The following JPH2 variants were observed in gnomAD, a reference collection of about 807,000 sequenced individuals.
JPH2 encodes junctophilin-2.
A neutral mutation model predicts 55.9 loss-of-function variants in JPH2; 38 were observed. That is an observed-to-expected ratio of 0.68 (90% confidence interval 0.52 to 0.89). The LOEUF (loss-of-function observed/expected upper bound fraction) is 0.89, where lower values mean the gene tolerates loss of function less well. JPH2 is among the 40% of genes least tolerant of loss of function. The pLI, the probability that JPH2 is intolerant of heterozygous loss-of-function variation, is 0.00. For missense variants in JPH2, 964 were observed against 1,037.6 expected (o/e 0.93, Z 0.97); for synonymous variants, 480 against 472.4 (o/e 1.02, Z -0.21).
intron 1 of JPH2, among the ~76,000 whole-genome samples, chr20:44,162,781 T>TACAC (rs1192452736): frequency 2.3e-4 from 16 of 70,014 alleles, no homozygotes; most frequent in African/African-American, 9.0e-4. Flanking sequence ...TATATATATA[T>TACAC]ATATATACAC....
rs1262132091 is a variant in JPH2, at chr20:44,186,797, G to A, written c.-92C>T. On this transcript the variant is annotated 5_prime_UTR_variant, in exon 1 of 6. Transcript: ENST00000372980. ...CAACACTCCTCCAGTGCCCTCGGGG[G>A]CAGGCCCCCAGACTCACCACTGCAC... 2.2e-6 allele frequency: 3 copies of A among 1,342,394 alleles called. No individual in the cohort carries two copies. Among genetic ancestry groups the A allele is most frequent in the Non-Finnish European group, 3.2e-6 (3 of 950,580 alleles). The allele number at this position is 1,342,394 out of a possible 1,614,324, so 83.2% of individuals were successfully genotyped here. A position where few individuals can be genotyped will look rare whatever the true frequency, so the allele number is the denominator to read the frequency against.
At chr20:44,114,382 T>C (rs961064895) in intron 5 of JPH2, among the ~76,000 whole-genome samples, 4 of 152,166 alleles carry the variant, frequency 2.6e-5, no homozygotes, top group Non-Finnish European at 5.9e-5. Flanking sequence ...TTTTCTGTAA[T>C]GAGCTCTAAG....
chr20:44,178,806 C>A (rs1439726437), intron 1 of JPH2, among the ~76,000 whole-genome samples: 3 of 152,052 alleles, frequency 2.0e-5, no homozygotes, highest in African/African-American at 7.2e-5. Flanking sequence ...ACAAACTGAT[C>A]AACAGAAAAG....
At chr20:44,134,981 G>A (rs1360761524) in intron 2 of JPH2, among the ~76,000 whole-genome samples, 1 of 141,532 alleles carries the variant, frequency 7.1e-6, no homozygotes, top group Non-Finnish European at 1.5e-5. Context: ...GCTGCTGGGT[G>A]CTGGGAATGA....
At chr20:44,136,461 A>C (rs1230179851) in intron 2 of JPH2, among the ~76,000 whole-genome samples, 1 of 151,800 alleles carries the variant, frequency 6.6e-6, no homozygotes, top group Non-Finnish European at 1.5e-5. Flanking sequence ...ATCAACATCA[A>C]CATCACCATT....
chr20:44,114,847 C>T lies in JPH2; in HGVS notation c.2040G>A (p.Val680=), dbSNP rs529687838. 3.1e-6 allele frequency: 5 copies of T among 1,607,322 alleles called. No individual in the cohort carries two copies. In the Admixed American group the frequency reaches 6.8e-5, roughly 22 times the overall value. Residue 680 remains valine (V), a synonymous_variant, in exon 5 of 6, where the codon GTG becomes GTA. Coordinates refer to ENST00000372980, the MANE Select transcript of JPH2 (RefSeq NM_020433.5). The part of the protein sequence containing the change: ...EVPNTILICM[V]ILLNIGLAIL... ...TGGCCAGGCCGATGTTCAGCAGGATCACCATGCAGATGAGGATGGTGTTGG... is the reference window on the plus strand; with the variant it reads ...TGGCCAGGCCGATGTTCAGCAGGATTACCATGCAGATGAGGATGGTGTTGG...
chr20:44,116,306 C>A lies in JPH2; in HGVS notation c.1369G>T (p.Ala457Ser). Residue 457 changes from alanine (A) to serine (S), a missense_variant, in exon 4 of 6, where the codon GCC becomes TCC. Ala to Ser is a moderately conservative substitution (Grantham distance 99). Transcript: ENST00000372980. ...ESLLEPPDRG[A>S]GAAGLPQPPR... ...GGCTGTGGGAGGCCCGCTGCGCCGG[C>A]GCCCCGGTCGGGGGGCTCCAGCAGG... 6.5e-7 allele frequency: 1 copy of A among 1,541,372 alleles called. No homozygotes were observed. Among genetic ancestry groups the A allele is most frequent in the Admixed American group, 2.0e-5 (1 of 50,804 alleles).
At chr20:44,137,716 C>CA (rs2072424367) in intron 2 of JPH2, among the ~76,000 whole-genome samples, 1 of 152,202 alleles carries the variant, frequency 6.6e-6, no homozygotes, top group African/African-American at 2.4e-5. Context: ...ACTGGAGGTC[C>CA]AGAGGAGGTT....
chr20:44,115,733 C>G lies in JPH2; in HGVS notation c.1942G>C (p.Ala648Pro). The part of the protein sequence containing the change: ...RKTEARGLTK[A>P]GAKKKARKEA... ...TTCCGCGCCTTCTTCTTGGCCCCCG[C>G]CTTGGTCAGCCCTCGAGCCTCAGTC... The change falls in exon 4 of 6, where the codon GCG becomes CCG. Residue 648 changes from alanine to proline, a missense_variant. Ala to Pro is a conservative substitution (Grantham distance 27, BLOSUM62 -1). Transcript: ENST00000372980. 6 of 1,613,596 alleles carry G rather than the reference C, an allele frequency of 3.7e-6. No homozygotes were observed. Among genetic ancestry groups the G allele is most frequent in the Non-Finnish European group, 5.1e-6 (6 of 1,180,002 alleles).
At chr20:44,119,320 C>CA (rs1431236928) in intron 2 of JPH2, among the ~76,000 whole-genome samples, 1 of 152,156 alleles carries the variant, frequency 6.6e-6, no homozygotes, top group Non-Finnish European at 1.5e-5. Flanking sequence ...CTATTGGTGA[C>CA]AAAGTCACAG....
intron 2 of JPH2, among the ~76,000 whole-genome samples, chr20:44,128,245 AC>A (rs1203442024): frequency 3.3e-5 from 5 of 152,228 alleles, no homozygotes; most frequent in Non-Finnish European, 5.9e-5. Context: ...TCTTCTACTT[AC>A]TTCTACAAAC....
At chr20:44,173,654 AC>A (rs1432203337) in intron 1 of JPH2, among the ~76,000 whole-genome samples, 1 of 152,192 alleles carries the variant, frequency 6.6e-6, no homozygotes, top group African/African-American at 2.4e-5. Flanking sequence ...TGTGGCTTAC[AC>A]CTGTAATCCT....
intron 2 of JPH2, among the ~76,000 whole-genome samples, chr20:44,153,941 C>G (rs1453987567): frequency 1.3e-5 from 2 of 152,180 alleles, no homozygotes; most frequent in Non-Finnish European, 2.9e-5. Context: ...GTTGGCATGA[C>G]AACCTGAAAA....
intron 1 of JPH2, among the ~76,000 whole-genome samples, chr20:44,169,112 C>T: frequency 6.6e-6 from 1 of 152,036 alleles, no homozygotes; most frequent in Non-Finnish European, 1.5e-5. Context: ...TTGAACTTTC[C>T]AGCCACCAGA....
intron 2 of JPH2, among the ~76,000 whole-genome samples, chr20:44,137,870 ATCTG>A (rs150916079): frequency 0.011 from 1,685 of 152,266 alleles, 16 homozygotes; most frequent in Non-Finnish European, 0.018. Flanking sequence ...GAGAGGAGAA[ATCTG>A]TCTTTCAGGC....
chr20:44,149,056 A>ACTC (rs2072512610), intron 2 of JPH2, among the ~76,000 whole-genome samples: 1 of 144,710 alleles, frequency 6.9e-6, no homozygotes, highest in Admixed American at 6.9e-5. Context: ...ACAGAGCAAG[A>ACTC]CTCCGTCTCA....
chr20:44,176,778 A>T, intron 1 of JPH2: 1 of 778,074 alleles, frequency 1.3e-6, no homozygotes, highest in Non-Finnish European at 1.6e-6. Context: ...TGGGTGACAG[A>T]GCAAGACCCT....
Position 44,177,890 on chromosome 20 carries a change from C to T in JPH2, c.379+8437G>A, listed in dbSNP as rs959385351. 6.9e-6 allele frequency: 11 copies of T among 1,598,516 alleles called. No individual in the cohort carries two copies. The African/African-American group carries it at 1.2e-4, about 18-fold the overall frequency. On this transcript the variant is annotated intron_variant, in intron 1 of 5. Transcript: ENST00000372980. ...ACGGGAATATATATTTTGGCATTTC[C>T]TATGTGCCAGGCATGATGCTCAGTG...
At chr20:44,164,533 A>G (rs973291231) in intron 1 of JPH2, among the ~76,000 whole-genome samples, 2 of 152,202 alleles carry the variant, frequency 1.3e-5, no homozygotes, top group African/African-American at 4.8e-5. Flanking sequence ...GTGTGCTAGA[A>G]AAGAGAAGTG....
Sources: gnomAD v4.1 joint callset for allele counts (sites outside exome capture counted in the v4.1 genomes callset) on GRCh38, gnomAD v4.1.1 for gene constraint, MANE v1.5 for transcripts, NCBI Gene and HGNC (gene_info 2026-07-23, HGNC 2026-07-21) for gene names.